Variants in SARDH observed in about 807,000 individuals in gnomAD.
SARDH encodes the protein sarcosine dehydrogenase.
Under a neutral mutation model 109.1 loss-of-function variants are expected in SARDH, and 95 were observed. The ratio of observed to expected loss-of-function variants is 0.87; its 90% CI spans 0.74 to 1.03. SARDH has a LOEUF of 1.03. Ranked by LOEUF, SARDH falls within the 50% of genes least tolerant of loss-of-function variation. SARDH has a pLI of 0.00. For synonymous variants in SARDH, 572 were observed against 534.8 expected (o/e 1.07, Z -0.96); for missense variants, 1,267 against 1,287.8 (o/e 0.98, Z 0.25).
At chr9:133,672,327 A>G (rs1830379285) in intron 17 of SARDH, among the ~76,000 whole-genome samples, 1 of 152,172 alleles carries the variant, frequency 6.6e-6, no homozygotes, top group African/African-American at 2.4e-5. Flanking sequence ...ACCTGCAAAG[A>G]TCCTATTTCC....
chr9:133,714,125 A>G (rs1832033312), intron 8 of SARDH, among the ~76,000 whole-genome samples: 1 of 152,224 alleles, frequency 6.6e-6, no homozygotes, highest in Non-Finnish European at 1.5e-5. Flanking sequence ...GAGGGACCCC[A>G]GGGCACTTCG....
At chr9:133,705,912 G>A (rs946494791) in intron 11 of SARDH, among the ~76,000 whole-genome samples, 1 of 152,156 alleles carries the variant, frequency 6.6e-6, no homozygotes, top group African/African-American at 2.4e-5. Flanking sequence ...GCTGCATGAG[G>A]ACAGTGAGAA....
At position 133,686,759 on chromosome 9, in the gene SARDH, C is replaced by T. The variant is rs1455704587; in HGVS notation, c.2070-1473G>A. Among the ~76,000 whole-genome samples, 4 of 152,200 alleles carry T rather than the reference C, an allele frequency of 2.6e-5. No homozygotes were observed. Among genetic ancestry groups the T allele is most frequent in the East Asian group, 1.9e-4 (1 of 5,196 alleles). On this transcript the variant is annotated intron_variant, in intron 16 of 20. Coordinates refer to ENST00000439388, the MANE Select transcript of SARDH (RefSeq NM_001134707.2). This position sits in a 1 kb window ranked among gnomAD's most constrained non-coding sequence, Gnocchi z 4.0. ...AAGTACTGCTGACCCTAATCCCAAT[C>T]GTCACAGTGCTGGGAGCCGCCACCC...
intron 16 of SARDH, 104 bp from the exon 17 acceptor site, chr9:133,685,390 C>G (rs1223797500): frequency 1.3e-6 from 1 of 762,312 alleles, no homozygotes. Context: ...TCCCTGTCCT[C>G]ATGAGACAGA....
chr9:133,679,671 T>G (rs1477315140), intron 17 of SARDH, among the ~76,000 whole-genome samples: 1 of 152,246 alleles, frequency 6.6e-6, no homozygotes, highest in African/African-American at 2.4e-5. Flanking sequence ...TGCTGGCTGC[T>G]GAGCGGACAA....
At chr9:133,676,806 T>C (rs558331589) in intron 17 of SARDH, among the ~76,000 whole-genome samples, 1 of 152,268 alleles carries the variant, frequency 6.6e-6, no homozygotes, top group Admixed American at 6.5e-5. Flanking sequence ...GCACAGTGGG[T>C]ACCAAACAGG....
At chr9:133,713,181 T>C in intron 8 of SARDH, 57 bp from the exon 9 acceptor site, 1 of 1,468,874 alleles carries the variant, frequency 6.8e-7, no homozygotes, top group Non-Finnish European at 9.4e-7. Context: ...ACTCTTGGGG[T>C]GAGGTCTTCC....
rs1426724556 is a variant in SARDH, at chr9:133,671,460, C to T, written c.2326+75G>A. 6.2e-6 allele frequency: 9 copies of T among 1,454,528 alleles called. No individual in the cohort carries two copies. The Admixed American group carries it at 2.1e-4, about 35-fold the overall frequency. The allele number at this position is 1,454,528 out of a possible 1,614,324, so 90.1% of individuals were successfully genotyped here. A position where few individuals can be genotyped will look rare whatever the true frequency, so the allele number is the denominator to read the frequency against. On this transcript the variant is annotated intron_variant, in intron 18 of 20. Transcript: ENST00000439388. The stretch of plus-strand genomic sequence containing the variant: ...ACAGGGAAGGTAAACAGCTTCTCGG[C>T]CTCCAGGTGTCTCGAGCGTCACTGC...
intron 6 of SARDH, among the ~76,000 whole-genome samples, chr9:133,720,934 G>A (rs117748195): frequency 2.4e-3 from 368 of 152,242 alleles, no homozygotes; most frequent in Non-Finnish European, 4.3e-3. Flanking sequence ...TTCAATGGAA[G>A]GGCCAGATAA....
Position 133,707,256 on chromosome 9 carries a change from C to A in SARDH, c.1470+1031G>T, listed in dbSNP as rs531388827. Among the ~76,000 whole-genome samples the A allele has an allele frequency of 2.0e-5, 3 of 152,334 alleles. No individual in the cohort carries two copies. In the South Asian group the frequency reaches 6.2e-4, roughly 32 times the overall value. On this transcript the variant is annotated intron_variant, in intron 11 of 20. Coordinates refer to ENST00000439388, the MANE Select transcript of SARDH (RefSeq NM_001134707.2). The stretch of plus-strand genomic sequence containing the variant: ...TAGAGCTGCTCAGTTCTGAGGAATG[C>A]GTCTGAGCTGACTGCGAGAGGAGCA...
chr9:133,668,224 C>G (rs2131318570), intron 19 of SARDH, among the ~76,000 whole-genome samples: 1 of 151,810 alleles, frequency 6.6e-6, no homozygotes, highest in African/African-American at 2.4e-5. Flanking sequence ...CAGAGCCTGA[C>G]AGGCACCCAG....
At chr9:133,708,236 A>T (rs1441152949) in intron 11 of SARDH, 51 bp downstream of exon 11, 1 of 1,568,254 alleles carries the variant, frequency 6.4e-7, no homozygotes, top group Non-Finnish European at 8.7e-7. Context: ...TGCCCTGAGG[A>T]CGTCCCAGAC....
chr9:133,682,620 G>A (rs546999551), intron 17 of SARDH, among the ~76,000 whole-genome samples: 27 of 152,238 alleles, frequency 1.8e-4, no homozygotes, highest in African/African-American at 6.5e-4. Context: ...AGTGAGGTCT[G>A]CACTCAGCCC....
In SARDH at chr9:133,694,932, G is replaced by A. The variant is rs141529500; in HGVS notation, c.1808-561C>T. ...TGGATGCAAGACTGAGTGGGTGGCTGGATTAATGGGAGGTGAGCAGCAGGT... is the reference window on the plus strand; with the variant it reads ...TGGATGCAAGACTGAGTGGGTGGCTAGATTAATGGGAGGTGAGCAGCAGGT... On this transcript the variant is annotated intron_variant, in intron 14 of 20. Transcript: ENST00000439388. Among the ~76,000 whole-genome samples, 546 of 152,254 alleles carry A rather than the reference G, an allele frequency of 3.6e-3. 2 individuals carry two copies. Among genetic ancestry groups the A allele is most frequent in the Non-Finnish European group, 5.0e-3 (341 of 68,012 alleles).
intron 20 of SARDH, among the ~76,000 whole-genome samples, chr9:133,665,435 C>T (rs10993952): frequency 0.25 from 38,394 of 152,176 alleles, 5,628 homozygotes; most frequent in East Asian, 0.39. Flanking sequence ...GGGAGCCATG[C>T]CATCACAATC....
Position 133,733,935 on chromosome 9 carries a change from T to C in SARDH, c.239A>G (p.Gln80Arg). 5.6e-6 allele frequency: 9 copies of C among 1,596,996 alleles called. No individual in the cohort carries two copies. Among genetic ancestry groups the C allele is most frequent in the Non-Finnish European group, 6.0e-6 (7 of 1,171,388 alleles). The change falls in exon 2 of 21, where the codon CAG (glutamine) becomes CGG (arginine). Residue 80 changes from glutamine to arginine, a missense_variant. Physicochemically the swap from Gln to Arg is conservative, Grantham distance 43. Transcript: ENST00000439388. ...VVIGGGSLGC[Q>R]TLYHLAKLGM... is the part of the protein sequence containing the mutation. ...CAGCTTGGCCAGGTGGTACAGGGTC[T>C]GGCAGCCCAAGCTGCCTCCACCAAT... is the stretch of plus-strand genomic sequence containing the variant.
chr9:133,708,972 G>A (rs190004904), intron 10 of SARDH, among the ~76,000 whole-genome samples: 1 of 152,224 alleles, frequency 6.6e-6, no homozygotes, highest in Non-Finnish European at 1.5e-5. Context: ...GTCCCATCAG[G>A]CCTCCCCAAG....
intron 1 of SARDH, among the ~76,000 whole-genome samples, chr9:133,734,535 A>C (rs2510263): frequency 6.6e-6 from 1 of 152,026 alleles, no homozygotes; most frequent in Admixed American, 6.5e-5. Context: ...AGTGCCCGGG[A>C]GCAACCTTGG....
At position 133,731,419 on chromosome 9, in the gene SARDH, C is replaced by T. The variant is rs1452412722; in HGVS notation, c.576G>A (p.Pro192=). ...CGTAGAGGTCGTCCACATTCATCAG[C>T]GGGTACAGAGTCTTGGTCTCTGCCG... is the stretch of plus-strand genomic sequence containing the variant. ...LSPAETKTLY[P]LMNVDDLYGT... Residue 192 remains proline (P), a synonymous_variant, in exon 4 of 21, where the codon CCG becomes CCA. Transcript: ENST00000439388. 4.3e-6 allele frequency: 7 copies of T among 1,614,074 alleles called. No individual in the cohort carries two copies. Among genetic ancestry groups the T allele is most frequent in the Middle Eastern group, 1.6e-4 (1 of 6,084 alleles).
Sources: allele counts gnomAD v4.1 joint callset (sites outside exome capture counted in the v4.1 genomes callset), GRCh38; gene constraint gnomAD v4.1.1; non-coding constraint Gnocchi (gnomAD v3.1); transcripts MANE v1.5; gene names NCBI Gene and HGNC (gene_info 2026-07-23, HGNC 2026-07-21).